GPHN: variants seen among roughly 807,000 people sequenced by gnomAD.
The protein encoded by GPHN is gephyrin.
In GPHN, 17 loss-of-function variants were observed where a neutral mutation model predicts 95.5. The ratio of observed to expected loss-of-function variants is 0.18; its 90% CI spans 0.12 to 0.27. The LOEUF is 0.27. Ranked by LOEUF, GPHN falls within the 10% of genes least tolerant of loss-of-function variation. The pLI is 1.00. For synonymous variants in GPHN, 320 were observed against 322.5 expected (o/e 0.99, Z 0.08); for missense variants, 660 against 978.1 (o/e 0.67, Z 4.34).
At chr14:67,361,835 C>G in the GPHN span, among the ~76,000 whole-genome samples, 1 of 152,134 alleles carries the variant, frequency 6.6e-6, no homozygotes, top group Non-Finnish European at 1.5e-5. Context: ...AGTTTAGCTC[C>G]TACGCTAGTA....
the GPHN span, chr14:67,335,932 A>G: frequency 2.6e-5 from 4 of 152,248 alleles, no homozygotes; most frequent in Non-Finnish European, 5.9e-5. Flanking sequence ...CTCCAGCTAC[A>G]ACACAAAATA....
intron 3 of GPHN, among the ~76,000 whole-genome samples, chr14:66,801,511 C>T (rs1396908930): frequency 1.3e-5 from 2 of 151,868 alleles, no homozygotes; most frequent in African/African-American, 4.8e-5. Context: ...TGTTGTCCTC[C>T]CTTCCTTTCT....
chr14:67,260,164 T>C, the GPHN span, among the ~76,000 whole-genome samples: 1 of 152,244 alleles, frequency 6.6e-6, no homozygotes, highest in African/African-American at 2.4e-5. Context: ...GCGCCAGCTC[T>C]CCATCTTCCA....
chr14:66,615,478 T>C (rs2062968605), intron 1 of GPHN, among the ~76,000 whole-genome samples: 1 of 151,954 alleles, frequency 6.6e-6, no homozygotes, highest in African/African-American at 2.4e-5. Context: ...TTGAGCTTTT[T>C]TTTTTTTTTT....
At chr14:66,881,994 A>AT (rs1001445326) in intron 5 of GPHN, among the ~76,000 whole-genome samples, 6 of 151,948 alleles carry the variant, frequency 3.9e-5, no homozygotes, top group African/African-American at 9.6e-5. Context: ...CTGAATGTTC[A>AT]TTTTTTGTGC....
chr14:67,169,228 A>G, intron 21 of GPHN, 192 bp downstream of exon 21: 3 of 605,852 alleles, frequency 5.0e-6, no homozygotes, highest in Admixed American at 2.9e-5. Context: ...CATGACTTCT[A>G]AAGTGAATCA....
intron 1 of GPHN, among the ~76,000 whole-genome samples, chr14:66,623,617 CAAAAAAAAA>C (rs57810648): frequency 1.1e-5 from 1 of 91,528 alleles, no homozygotes; most frequent in African/African-American, 3.1e-5. Flanking sequence ...GACTCTGTTT[CAAAAAAAAA>C]AAAAAAAAAA....
intron 1 of GPHN, among the ~76,000 whole-genome samples, chr14:66,565,603 A>G (rs1209167336): frequency 1.3e-5 from 2 of 152,094 alleles, no homozygotes; most frequent in African/African-American, 2.4e-5. Context: ...CCTGGCCTTT[A>G]TATATAATTT....
chr14:67,023,706 T>G (rs1274825776), intron 10 of GPHN, 31 bp downstream of exon 10: 1 of 1,564,764 alleles, frequency 6.4e-7, no homozygotes, highest in Non-Finnish European at 8.8e-7. Context: ...GGTGGGCTGC[T>G]GAACTAGAGC....
At chr14:67,333,022 C>T in the GPHN span, 6 of 1,391,328 alleles carry the variant, frequency 4.3e-6, no homozygotes, top group South Asian at 2.6e-5. Context: ...GAGGACTGCC[C>T]GACACTGCAG....
At chr14:67,273,238 G>A in the GPHN span, among the ~76,000 whole-genome samples, 2 of 151,674 alleles carry the variant, frequency 1.3e-5, no homozygotes, top group African/African-American at 2.4e-5. Flanking sequence ...TTTACATTAG[G>A]TATATCTCCT....
At chr14:67,053,048 G>T (rs1379858862) in intron 10 of GPHN, among the ~76,000 whole-genome samples, 1 of 139,352 alleles carries the variant, frequency 7.2e-6, no homozygotes, top group Non-Finnish European at 1.5e-5. Context: ...AGAGAACCAA[G>T]AGCAAAAAAG....
intron 2 of GPHN, among the ~76,000 whole-genome samples, chr14:66,745,434 A>G (rs1040975138): frequency 4.6e-5 from 7 of 152,134 alleles, no homozygotes; most frequent in Non-Finnish European, 1.0e-4. Context: ...CATTGAGACA[A>G]TAATATCATA....
At chr14:66,528,441 T>C (rs190283404) in intron 1 of GPHN, among the ~76,000 whole-genome samples, 2 of 152,338 alleles carry the variant, frequency 1.3e-5, no homozygotes, top group African/African-American at 4.8e-5. Flanking sequence ...GTCTTTTAAT[T>C]GGGGCATTTA....
intron 15 of GPHN, among the ~76,000 whole-genome samples, chr14:67,112,763 A>C (rs1595190947): frequency 1.3e-5 from 2 of 152,234 alleles, no homozygotes; most frequent in Non-Finnish European, 2.9e-5. Context: ...AAAAAATTTC[A>C]AATATGAAGT....
chr14:66,784,967 C>T (rs1271365816), intron 3 of GPHN, among the ~76,000 whole-genome samples: 1 of 152,054 alleles, frequency 6.6e-6, no homozygotes. Flanking sequence ...CCAATAAATG[C>T]CATTCTAAAG....
chr14:66,617,839 C>T (rs1040752773), intron 1 of GPHN, among the ~76,000 whole-genome samples: 1 of 152,042 alleles, frequency 6.6e-6, no homozygotes, highest in African/African-American at 2.4e-5. Context: ...ATTAAACCTT[C>T]CATGTATTCA....
At chr14:66,756,112 A>G (rs566331603) in intron 2 of GPHN, among the ~76,000 whole-genome samples, 1 of 152,170 alleles carries the variant, frequency 6.6e-6, no homozygotes, top group South Asian at 2.1e-4. Context: ...GTTGCTCAAA[A>G]AAGTTTTTGT....
chr14:66,614,592 T>TG (rs2062924249), intron 1 of GPHN, among the ~76,000 whole-genome samples: 1 of 151,252 alleles, frequency 6.6e-6, no homozygotes, highest in African/African-American at 2.4e-5. Context: ...TTTTTTTTTT[T>TG]GCCTATTGTG....
Sources: gnomAD v4.1 joint callset for allele counts (sites outside exome capture counted in the v4.1 genomes callset) on GRCh38, gnomAD v4.1.1 for gene constraint, MANE v1.5 for transcripts, NCBI Gene and HGNC (gene_info 2026-07-23, HGNC 2026-07-21) for gene names.